MTA3: variants seen among roughly 807,000 people sequenced by gnomAD.
MTA3 encodes metastasis associated 1 family member 3.
A neutral mutation model predicts 83.5 loss-of-function variants in MTA3; 34 were observed. The observed-to-expected ratio is 0.41, with a 90% CI of 0.31 to 0.54. MTA3 has a LOEUF of 0.54. MTA3 is among the 20% of genes least tolerant of loss of function. The probability of loss-of-function intolerance (pLI) is 0.33; values close to 1 mark genes in which losing one functional copy is unlikely to be tolerated. For synonymous variants in MTA3, 303 were observed against 252.7 expected, an observed-to-expected ratio of 1.20 and a Z score of -1.89; for missense variants, 761 against 726.4, an observed-to-expected ratio of 1.05 and a Z score of -0.55.
At chr2:42,646,747 A>T (rs1016959077) in intron 6 of MTA3, among the ~76,000 whole-genome samples, 1 of 152,104 alleles carries the variant, frequency 6.6e-6, no homozygotes, top group African/African-American at 2.4e-5. Context: ...GATGGAATCT[A>T]CTCCTGGTGA....
intron 4 of MTA3, among the ~76,000 whole-genome samples, chr2:42,627,604 C>T (rs1339519694): frequency 1.3e-5 from 2 of 151,538 alleles, no homozygotes; most frequent in Non-Finnish European, 2.9e-5. Context: ...CGCTCTGTCT[C>T]TCAGGTTGGA....
At chr2:42,528,308 C>G (rs909362263) in intron 2 of MTA3, among the ~76,000 whole-genome samples, 15 of 151,572 alleles carry the variant, frequency 9.9e-5, no homozygotes, top group African/African-American at 3.4e-4. Context: ...CAGCCTCCGC[C>G]TCCCAGGTCC....
At chr2:42,641,667 G>A (rs534602595) in intron 5 of MTA3, among the ~76,000 whole-genome samples, 2 of 152,196 alleles carry the variant, frequency 1.3e-5, no homozygotes, top group African/African-American at 2.4e-5. Flanking sequence ...CCAACGTGGT[G>A]AAAGCCTGTA....
At chr2:42,752,374 C>T in intron 16 of MTA3, 1 of 431,692 alleles carries the variant, frequency 2.3e-6, no homozygotes, top group East Asian at 7.2e-5. Flanking sequence ...ATCTGAGCAT[C>T]TTATCCCTTC....
chr2:42,548,846 A>AATATATATATATATATAAT (rs377534429), intron 2 of MTA3, among the ~76,000 whole-genome samples: 2 of 15,056 alleles, frequency 1.3e-4, no homozygotes, highest in Non-Finnish European at 2.4e-4. Context: ...ATATATATAT[A>AATATATATATATATATAAT]ATATATATAT....
intron 2 of MTA3, among the ~76,000 whole-genome samples, chr2:42,545,050 C>T (rs931154821): frequency 9.2e-5 from 14 of 152,152 alleles, no homozygotes; most frequent in Non-Finnish European, 2.1e-4. Flanking sequence ...GTGATGAGAG[C>T]TGCAGAAAAC....
At chr2:42,638,891 T>G (rs971806762) in intron 4 of MTA3, among the ~76,000 whole-genome samples, 14 of 10,830 alleles carry the variant, frequency 1.3e-3, no homozygotes, top group African/African-American at 2.3e-3. Context: ...TATAAGGGGT[T>G]TTTTTTTTTT....
chr2:42,669,568 C>T (rs957187532), intron 8 of MTA3, among the ~76,000 whole-genome samples: 2 of 152,092 alleles, frequency 1.3e-5, no homozygotes, highest in East Asian at 1.9e-4. Flanking sequence ...ACTAGCACTG[C>T]AGTAAAAAAT....
At chr2:42,742,198 G>C (rs1669088293) in intron 16 of MTA3, among the ~76,000 whole-genome samples, 1 of 151,556 alleles carries the variant, frequency 6.6e-6, no homozygotes, top group Admixed American at 6.6e-5. Context: ...AAGTGCAGTG[G>C]CATGATCTCA....
intron 8 of MTA3, among the ~76,000 whole-genome samples, chr2:42,666,262 G>A (rs776301612): frequency 3.3e-5 from 5 of 152,192 alleles, no homozygotes; most frequent in Non-Finnish European, 4.4e-5. Flanking sequence ...GGGTGACAGA[G>A]CGAGACTCCA....
At chr2:42,652,281 T>C (rs989511965) in intron 6 of MTA3, among the ~76,000 whole-genome samples, 2 of 152,114 alleles carry the variant, frequency 1.3e-5, no homozygotes, top group Non-Finnish European at 2.9e-5. Flanking sequence ...AGTTAGTCTT[T>C]CTTAGATTCA....
intron 16 of MTA3, among the ~76,000 whole-genome samples, chr2:42,751,275 C>T (rs1010159606): frequency 6.6e-6 from 1 of 152,146 alleles, no homozygotes; most frequent in African/African-American, 2.4e-5. Flanking sequence ...AAAATAAGTG[C>T]CTGTCAGTCA....
intron 3 of MTA3, among the ~76,000 whole-genome samples, chr2:42,608,614 G>T (rs976957247): frequency 3.3e-5 from 5 of 152,176 alleles, no homozygotes; most frequent in African/African-American, 1.2e-4. Flanking sequence ...TGGGTGTGGT[G>T]GCTCATGCCT....
chr2:42,755,748 C>T lies in MTA3; in HGVS notation c.*2349C>T. 2 of 985,716 alleles carry T rather than the reference C, an allele frequency of 2.0e-6. No individual in the cohort carries two copies. The highest frequency in any genetic ancestry group is 2.4e-6 in the Non-Finnish European group (2 of 830,152). 61.1% of individuals were successfully genotyped at this position (985,716 alleles called of 1,614,324 possible). On this transcript the variant is annotated 3_prime_UTR_variant, in exon 17 of 17. Transcript: ENST00000405094. ...CCTTTCTGGGGCCATGGTGTCCCTG[C>T]TGTGTGTCAGTGGCATGTCACTGTG...
intron 2 of MTA3, among the ~76,000 whole-genome samples, chr2:42,534,037 G>A (rs1676108099): frequency 6.6e-6 from 1 of 151,986 alleles, no homozygotes; most frequent in Non-Finnish European, 1.5e-5. Flanking sequence ...AAGAAGGAGG[G>A]ACTTTTTCTT....
chr2:42,533,083 C>CTTTT (rs1165012015), intron 2 of MTA3: 48 of 116,930 alleles, frequency 4.1e-4, no homozygotes, highest in Middle Eastern at 4.3e-3. Flanking sequence ...GTGGGGCATT[C>CTTTT]TTTTTTTTTT....
chr2:42,692,265 A>AT (rs1158308325), intron 9 of MTA3, among the ~76,000 whole-genome samples: 1 of 151,856 alleles, frequency 6.6e-6, no homozygotes, highest in Non-Finnish European at 1.5e-5. Context: ...ACTCTGATGC[A>AT]TTTTTTCAGC....
intron 4 of MTA3, among the ~76,000 whole-genome samples, chr2:42,610,406 A>G (rs1396933213): frequency 6.6e-6 from 1 of 152,224 alleles, no homozygotes; most frequent in Non-Finnish European, 1.5e-5. Flanking sequence ...ATGCATTGAT[A>G]GCATACAAAT....
chr2:42,582,037 ACCGTGG>A (rs1679717643), intron 3 of MTA3: 1 of 152,012 alleles, frequency 6.6e-6, no homozygotes, highest in African/African-American at 2.4e-5. Flanking sequence ...GGCATGAGCC[ACCGTGG>A]CCGGCAATAT....
Sources: allele counts gnomAD v4.1 joint callset (sites outside exome capture counted in the v4.1 genomes callset), GRCh38; gene constraint gnomAD v4.1.1; transcripts MANE v1.5; gene names NCBI Gene and HGNC (gene_info 2026-07-23, HGNC 2026-07-21).